The following PDE1C variants were observed in gnomAD, a reference collection of about 807,000 sequenced individuals.
PDE1C encodes the protein phosphodiesterase 1C.
In PDE1C, 62 loss-of-function variants were observed where a neutral mutation model predicts 93.1. That is an observed-to-expected ratio of 0.67 (90% CI 0.54 to 0.82). The LOEUF is 0.82. PDE1C is among the 40% of genes least tolerant of loss of function. The probability of loss-of-function intolerance (pLI) is 0.00; values close to 1 mark genes in which losing one functional copy is unlikely to be tolerated. For synonymous variants in PDE1C, 325 were observed against 310.1 expected, an observed-to-expected ratio of 1.05 and a Z score of -0.50; for missense variants, 742 against 884.6, an observed-to-expected ratio of 0.84 and a Z score of 2.04.
At chr7:31,820,506 C>T (rs1788825587) in intron 14 of PDE1C, 1 of 151,940 alleles carries the variant, frequency 6.6e-6, no homozygotes, top group Non-Finnish European at 1.5e-5. Context: ...TTAATCTTTC[C>T]TAATAATTAT....
At chr7:32,230,012 G>A (rs1012997402) in intron 1 of PDE1C, among the ~76,000 whole-genome samples, 4 of 152,224 alleles carry the variant, frequency 2.6e-5, no homozygotes, top group African/African-American at 9.6e-5. Flanking sequence ...AACAAAAGAG[G>A]TTGAAGGGAA....
At chr7:32,355,155 A>C (rs1209999751) in intron 1 of PDE1C, among the ~76,000 whole-genome samples, 6 of 152,192 alleles carry the variant, frequency 3.9e-5, no homozygotes, top group Non-Finnish European at 5.9e-5. Flanking sequence ...GCAGTGCAGA[A>C]AGCCAGAGCT....
chr7:32,326,089 T>C (rs986571058), intron 1 of PDE1C, among the ~76,000 whole-genome samples: 3 of 151,872 alleles, frequency 2.0e-5, no homozygotes, highest in African/African-American at 7.3e-5. Context: ...GACTTCAATG[T>C]TTTTGGCCTG....
At chr7:31,750,887 C>G (rs942395964), downstream of PDE1C, among the ~76,000 whole-genome samples, 10 of 152,184 alleles carry the variant, frequency 6.6e-5, no homozygotes, top group Admixed American at 2.0e-4. Context: ...AATTCTTAAC[C>G]ACTAGCAAGA....
chr7:31,940,927 A>G (rs1330524797), intron 2 of PDE1C, among the ~76,000 whole-genome samples: 3 of 152,062 alleles, frequency 2.0e-5, no homozygotes, highest in East Asian at 3.9e-4. Flanking sequence ...AGCCCTTACA[A>G]GAACAGACCA....
chr7:32,299,028 G>C (rs1210472274), exon 1 of PDE1C: 2 of 1,203,036 alleles, frequency 1.7e-6, no homozygotes, highest in African/African-American at 3.2e-5. Flanking sequence ...GAGGACGCGC[G>C]CCCGAGCGCG....
At chr7:32,251,101 C>T (rs898750273) in intron 1 of PDE1C, among the ~76,000 whole-genome samples, 6 of 152,256 alleles carry the variant, frequency 3.9e-5, no homozygotes, top group African/African-American at 1.4e-4. Context: ...ACACACAAGG[C>T]TAATGCTAAC....
At chr7:31,925,997 A>G (rs1423641926) in intron 2 of PDE1C, among the ~76,000 whole-genome samples, 1 of 145,664 alleles carries the variant, frequency 6.9e-6, no homozygotes, top group African/African-American at 2.5e-5. Flanking sequence ...ACCCAGCCCC[A>G]CACAATCTCA....
intron 2 of PDE1C, among the ~76,000 whole-genome samples, chr7:32,203,922 AGTTTTT>A (rs1805216346): frequency 6.6e-6 from 1 of 152,084 alleles, no homozygotes; most frequent in African/African-American, 2.4e-5. Flanking sequence ...CTTGGCATAC[AGTTTTT>A]TTCTTTATTA....
chr7:32,416,051 C>T (rs147417538), intron 1 of PDE1C, among the ~76,000 whole-genome samples: 194 of 152,298 alleles, frequency 1.3e-3, no homozygotes, highest in African/African-American at 4.0e-3. Flanking sequence ...TGCCAGCACA[C>T]GCCCGCCTCC....
intron 1 of PDE1C, among the ~76,000 whole-genome samples, chr7:32,379,055 G>A (rs934073402): frequency 3.3e-5 from 5 of 152,132 alleles, no homozygotes; most frequent in African/African-American, 1.2e-4. Context: ...GACTTACAAT[G>A]CGTTCTCTGG....
rs572651266 is a variant in PDE1C at position 32,083,117 on chromosome 7, C to A, written c.308+86668G>T. Among the ~76,000 whole-genome samples the A allele has an allele frequency of 3.7e-3, 561 of 151,366 alleles. 3 individuals are homozygous for A. The highest frequency in any genetic ancestry group is 0.013 in the African/African-American group (532 of 41,220). On this transcript the variant is annotated intron_variant, in intron 3 of 18. Coordinates refer to the PDE1C transcript ENST00000396193. Reference sequence around the variant, plus strand: ...TTAAAAACTTTGAAAAAAATTTAGACGAATGTATAACTAGAATAACCAATA... The same window carrying A: ...TTAAAAACTTTGAAAAAAATTTAGAAGAATGTATAACTAGAATAACCAATA...
intron 3 of PDE1C, among the ~76,000 whole-genome samples, chr7:32,096,811 G>A (rs1481427333): frequency 2.9e-5 from 3 of 102,854 alleles, no homozygotes; most frequent in African/African-American, 1.2e-4. Context: ...AGAACCAGTA[G>A]GGGATAGAAA....
intron 2 of PDE1C, among the ~76,000 whole-genome samples, chr7:32,022,262 C>A (rs527865630): frequency 2.0e-5 from 3 of 152,106 alleles, no homozygotes; most frequent in South Asian, 2.1e-4. Flanking sequence ...AGGAAATTAA[C>A]AACAGAGTAG....
chr7:32,099,890 C>T (rs1012715645), intron 3 of PDE1C, among the ~76,000 whole-genome samples: 1 of 152,186 alleles, frequency 6.6e-6, no homozygotes, highest in Non-Finnish European at 1.5e-5. Flanking sequence ...AATTATCACC[C>T]CTTCAGTGAG....
At chr7:31,967,396 C>G (rs998680754) in intron 2 of PDE1C, among the ~76,000 whole-genome samples, 96 of 152,242 alleles carry the variant, frequency 6.3e-4, no homozygotes, top group African/African-American at 2.2e-3. Context: ...TACACTCTCC[C>G]AAGACTAAAC....
the PDE1C span, among the ~76,000 whole-genome samples, chr7:31,635,846 T>C: frequency 0.02 from 3,015 of 152,188 alleles, 114 homozygotes; most frequent in African/African-American, 0.069. Flanking sequence ...ACCTAGGTGA[T>C]TGGCCGATAG....
intron 2 of PDE1C, among the ~76,000 whole-genome samples, chr7:32,173,041 T>A (rs899935290): frequency 6.6e-6 from 1 of 152,130 alleles, no homozygotes; most frequent in Non-Finnish European, 1.5e-5. Context: ...ATCATTCTAC[T>A]ATATAGACAC....
intron 2 of PDE1C, among the ~76,000 whole-genome samples, chr7:32,205,420 A>G (rs554093673): frequency 7.2e-5 from 11 of 152,246 alleles, no homozygotes; most frequent in Non-Finnish European, 1.3e-4. Context: ...TGCACCAATC[A>G]GTGCTCTGTG....
Sources: allele counts gnomAD v4.1 joint callset (sites outside exome capture counted in the v4.1 genomes callset), GRCh38; gene constraint gnomAD v4.1.1; transcripts MANE v1.5; gene names NCBI Gene and HGNC (gene_info 2026-07-23, HGNC 2026-07-21).